The following RNF130 variants were observed in gnomAD, a reference collection of about 807,000 sequenced individuals.
RNF130 encodes the protein ring finger protein 130.
Under a neutral mutation model 44.6 loss-of-function variants are expected in RNF130, and 21 were observed. That is an observed-to-expected ratio of 0.47 (90% CI 0.33 to 0.68). The LOEUF is 0.68. Ranked by LOEUF, RNF130 falls within the 30% of genes least tolerant of loss-of-function variation. The pLI is 0.02. For synonymous variants in RNF130, 214 were observed against 210.4 expected, an observed-to-expected ratio of 1.02 and a Z score of -0.15; for missense variants, 479 against 560.6, an observed-to-expected ratio of 0.85 and a Z score of 1.47.
intron 7 of RNF130, among the ~76,000 whole-genome samples, chr5:179,936,281 T>C (rs1471235483): frequency 6.6e-6 from 1 of 152,108 alleles, no homozygotes; most frequent in Non-Finnish European, 1.5e-5. Flanking sequence ...AAAAAATTTT[T>C]TGTAGAGACA....
At chr5:179,962,300 T>C (rs1762350310) in intron 8 of RNF130, among the ~76,000 whole-genome samples, 1 of 152,294 alleles carries the variant, frequency 6.6e-6, no homozygotes, top group South Asian at 2.1e-4. Context: ...TAGCCCCAGA[T>C]GAGGTTAGAT....
intron 1 of RNF130, among the ~76,000 whole-genome samples, chr5:180,047,835 C>T (rs947059921): frequency 6.6e-6 from 1 of 152,166 alleles, no homozygotes; most frequent in African/African-American, 2.4e-5. Flanking sequence ...TCCCACGTCC[C>T]ACTTCCTCCA....
chr5:180,047,102 AC>A (rs1277237347), intron 1 of RNF130, among the ~76,000 whole-genome samples: 1 of 152,152 alleles, frequency 6.6e-6, no homozygotes, highest in Non-Finnish European at 1.5e-5. Flanking sequence ...CTAATTAGTT[AC>A]CCCGGATTTA....
At chr5:180,030,748 T>C (rs777758128) in intron 2 of RNF130, among the ~76,000 whole-genome samples, 2 of 152,234 alleles carry the variant, frequency 1.3e-5, no homozygotes, top group East Asian at 1.9e-4. Context: ...TGTCTCTGTA[T>C]GTTTGACTTT....
intron 3 of RNF130, among the ~76,000 whole-genome samples, chr5:179,991,972 A>G (rs998189303): frequency 6.6e-6 from 1 of 152,022 alleles, no homozygotes; most frequent in African/African-American, 2.4e-5. Context: ...ATGAGAACCT[A>G]ATGCCACCCC....
At chr5:180,031,565 TAACC>T (rs1473946757) in intron 2 of RNF130, among the ~76,000 whole-genome samples, 1 of 152,210 alleles carries the variant, frequency 6.6e-6, no homozygotes, top group Non-Finnish European at 1.5e-5. Context: ...TGTCCCTCCC[TAACC>T]TTCTCACTGT....
chr5:180,012,854 T>C (rs750075675), intron 3 of RNF130, among the ~76,000 whole-genome samples: 8 of 152,220 alleles, frequency 5.3e-5, no homozygotes, highest in Non-Finnish European at 8.8e-5. Context: ...TAGAATATTC[T>C]AGGTGATCAC....
chr5:179,944,105 G>A (rs1427249167), intron 7 of RNF130, among the ~76,000 whole-genome samples: 1 of 151,546 alleles, frequency 6.6e-6, no homozygotes. Flanking sequence ...CCGAGTAGCT[G>A]GGACTACAGG....
At chr5:180,043,143 C>T (rs2113144628) in intron 1 of RNF130, among the ~76,000 whole-genome samples, 1 of 152,068 alleles carries the variant, frequency 6.6e-6, no homozygotes, top group Non-Finnish European at 1.5e-5. Context: ...ATAGTAAGAC[C>T]CTCATCTCTA....
At chr5:180,041,628 A>T (rs1764420453) in intron 1 of RNF130, among the ~76,000 whole-genome samples, 1 of 152,192 alleles carries the variant, frequency 6.6e-6, no homozygotes, top group Admixed American at 6.5e-5. Flanking sequence ...AGAAGTCACC[A>T]AAGGTAGAGT....
At chr5:179,970,568 G>T in intron 5 of RNF130, 62 bp from the exon 6 acceptor site, 1 of 1,239,644 alleles carries the variant, frequency 8.1e-7, no homozygotes, top group Non-Finnish European at 1.2e-6. Context: ...AGGCCAAAAT[G>T]GAAAGAAAGG....
At chr5:179,974,173 G>T (rs958664479) in intron 5 of RNF130, among the ~76,000 whole-genome samples, 11 of 152,192 alleles carry the variant, frequency 7.2e-5, no homozygotes, top group African/African-American at 2.7e-4. Context: ...AGCTGGGGCT[G>T]GCAGCAGTCT....
At chr5:179,972,991 G>A (rs1310255097) in intron 5 of RNF130, among the ~76,000 whole-genome samples, 11 of 151,998 alleles carry the variant, frequency 7.2e-5, no homozygotes, top group Non-Finnish European at 1.5e-4. Flanking sequence ...AAGACCAACT[G>A]GTTCTCTGGT....
intron 1 of RNF130, among the ~76,000 whole-genome samples, chr5:180,055,363 G>T (rs191212650): frequency 6.7e-6 from 1 of 149,640 alleles, no homozygotes; most frequent in East Asian, 2.0e-4. Context: ...TGCCCAGCTA[G>T]AAGTAAGTTA....
intron 7 of RNF130, among the ~76,000 whole-genome samples, chr5:179,937,311 G>T (rs1761905550): frequency 6.6e-6 from 1 of 152,156 alleles, no homozygotes; most frequent in African/African-American, 2.4e-5. Context: ...TCTGATAAGG[G>T]CCTAGTATCT....
Position 180,040,615 on chromosome 5 carries a change from G to A in RNF130, c.280C>T (p.Arg94Trp), listed in dbSNP as rs749149938. 11 of 1,613,984 alleles carry A rather than the reference G, an allele frequency of 6.8e-6. No homozygotes were observed. The highest frequency in any genetic ancestry group is 3.3e-5 in the South Asian group (3 of 91,048). ...TTGATATTAGGAGGGACAAAGAACC[G>A]GGTTTGTGGATCACAGCCCAGATGA... The part of the protein sequence containing the change: ...ADHLGCDPQT[R>W]FFVPPNIKQW... Residue 94 changes from arginine (R) to tryptophan (W), a missense_variant, in exon 2 of 9, where the codon CGG (arginine) becomes TGG (tryptophan). By Grantham distance (101) the Arg-to-Trp change is moderately radical. Transcript: ENST00000521389.
intron 1 of RNF130, among the ~76,000 whole-genome samples, chr5:180,058,152 G>A (rs764678629): frequency 6.6e-5 from 10 of 152,134 alleles, no homozygotes; most frequent in South Asian, 2.1e-4. Context: ...GCTGGGGAGC[G>A]AGGAGGGAAG....
chr5:179,999,429 T>C (rs1763281485), intron 3 of RNF130, among the ~76,000 whole-genome samples: 1 of 152,104 alleles, frequency 6.6e-6, no homozygotes. Flanking sequence ...CCTTTAGAAG[T>C]GAAGTGAGTT....
chr5:180,020,301 C>T (rs950233360), intron 2 of RNF130, among the ~76,000 whole-genome samples: 3 of 152,146 alleles, frequency 2.0e-5, no homozygotes, highest in African/African-American at 7.2e-5. Flanking sequence ...GGAGCAGTGA[C>T]AGGCGGGGAA....
Sources: allele counts gnomAD v4.1 joint callset (sites outside exome capture counted in the v4.1 genomes callset), GRCh38; gene constraint gnomAD v4.1.1; transcripts MANE v1.5; gene names NCBI Gene and HGNC (gene_info 2026-07-23, HGNC 2026-07-21).